ZC3H13: variants seen among roughly 807,000 people sequenced by gnomAD.
The protein encoded by ZC3H13 is zinc finger CCCH-type containing 13, also known as zinc finger CCCH domain-containing protein 13.
ZC3H13 carries 64 observed loss-of-function variants against 204.1 expected under a neutral mutation model. The ratio of observed to expected loss-of-function variants is 0.31; its 90% CI spans 0.26 to 0.39. The LOEUF is 0.39. Among genes scored for constraint, ZC3H13 ranks in the 10% least tolerant of loss-of-function variants. The pLI is 1.00. For synonymous variants in ZC3H13, 667 were observed against 693.7 expected, an observed-to-expected ratio of 0.96 and a Z score of 0.60; for missense variants, 1,833 against 2,082.7, an observed-to-expected ratio of 0.88 and a Z score of 2.33.
intron 10 of ZC3H13, among the ~76,000 whole-genome samples, chr13:45,983,411 A>ATTTTTTTT (rs1566202037): frequency 4.8e-5 from 1 of 20,644 alleles, no homozygotes; most frequent in Non-Finnish European, 7.3e-5. Context: ...TTATATATAT[A>ATTTTTTTT]TATTTTTTTT....
At chr13:46,035,097 G>A (rs536195270) in intron 4 of ZC3H13, among the ~76,000 whole-genome samples, 31 of 152,280 alleles carry the variant, frequency 2.0e-4, no homozygotes, top group African/African-American at 7.5e-4. Flanking sequence ...GTGTGTGCCA[G>A]TGTGCATGTG....
At position 45,970,465 on chromosome 13, in the gene ZC3H13, C is replaced by T. The variant is rs201052677; in HGVS notation, c.2469G>A (p.Lys823=). 6.2e-7 allele frequency: 1 copy of T among 1,609,764 alleles called. No individual in the cohort carries two copies. Among genetic ancestry groups the T allele is most frequent in the Admixed American group, 1.7e-5 (1 of 58,874 alleles). Residue 823 remains lysine (K), a splice_region_variant and synonymous_variant, in exon 13 of 19, where the codon AAG becomes AAA. Transcript: ENST00000679008. The part of the protein sequence containing the change: ...PRDGHDERKS[K]KRYRNEGSPS... Reference sequence around the variant, plus strand: ...GACTCCCTTCATTTCTATAGCGCTTCCTAAATTGGACAAGCAAACACAATT... The same window carrying T: ...GACTCCCTTCATTTCTATAGCGCTTTCTAAATTGGACAAGCAAACACAATT...
intron 12 of ZC3H13, among the ~76,000 whole-genome samples, chr13:45,971,253 T>C (rs902740602): frequency 4.0e-4 from 61 of 152,318 alleles, no homozygotes; most frequent in African/African-American, 1.4e-3. Context: ...CCCATTTTCA[T>C]TAAAATTTGA....
At position 45,969,928 on chromosome 13, in the gene ZC3H13, T is replaced by C; in HGVS notation, c.2616A>G (p.Glu872=). Reference sequence around the variant, plus strand: ...GGTGCGAGGGACTAAGAGAACGAGATTCTTGAGGTCGTACAACTTGGCTCA... The same window carrying C: ...GGTGCGAGGGACTAAGAGAACGAGACTCTTGAGGTCGTACAACTTGGCTCA... The part of the protein sequence containing the change: ...RLLSQVVRPQ[E]SRSLSPSHLT... The change falls in exon 14 of 19, where the codon GAA becomes GAG. Residue 872 remains glutamate (E), a synonymous_variant. Coordinates refer to ENST00000679008, the MANE Select transcript of ZC3H13 (RefSeq NM_001330564.2). 1 of 1,613,152 alleles carries C rather than the reference T, an allele frequency of 6.2e-7. No homozygotes were observed. The highest frequency in any genetic ancestry group is 1.3e-5 in the African/African-American group (1 of 74,952).
intron 5 of ZC3H13, among the ~76,000 whole-genome samples, chr13:46,019,607 C>T (rs991746496): frequency 1.3e-5 from 2 of 152,038 alleles, no homozygotes; most frequent in Non-Finnish European, 2.9e-5. Flanking sequence ...ATTACAGTGC[C>T]CATCTTTCAG....
chr13:45,966,102 C>T (rs191072386), intron 15 of ZC3H13, among the ~76,000 whole-genome samples: 526 of 152,112 alleles, frequency 3.5e-3, no homozygotes, highest in Non-Finnish European at 5.8e-3. Context: ...ATTTTACCAA[C>T]TTTTTTCAAC....
chr13:46,017,143 T>C (rs2041957902), intron 5 of ZC3H13, among the ~76,000 whole-genome samples: 1 of 152,022 alleles, frequency 6.6e-6, no homozygotes, highest in Non-Finnish European at 1.5e-5. Flanking sequence ...CATGATTTCA[T>C]CTAGAAGGAA....
intron 6 of ZC3H13, 82 bp downstream of exon 6, chr13:46,011,333 G>C (rs1051785446): frequency 6.2e-5 from 80 of 1,290,142 alleles, no homozygotes; most frequent in Non-Finnish European, 8.0e-5. Flanking sequence ...TATAATTTAA[G>C]ATGTAGCAAG....
Position 46,010,334 on chromosome 13 carries a change from A to ATCACCC in ZC3H13, c.746+8_746+13dup. ...AAAAGCTATTTTCTCGATACTATTT[A>ATCACCC]TCACCCTACTGACCTCTGCTGGTCC... On this transcript the variant is annotated intron_variant, in intron 7 of 18. Transcript: ENST00000679008. 6.4e-7 allele frequency: 1 copy of ATCACCC among 1,570,234 alleles called. No individual in the cohort carries two copies. Among genetic ancestry groups the ATCACCC allele is most frequent in the South Asian group, 1.2e-5 (1 of 85,894 alleles).
chr13:46,037,452 A>G (rs556593116), intron 4 of ZC3H13, among the ~76,000 whole-genome samples: 1 of 152,366 alleles, frequency 6.6e-6, no homozygotes, highest in African/African-American at 2.4e-5. Flanking sequence ...TCCGTCATCA[A>G]TAAATGCTTG....
intron 4 of ZC3H13, among the ~76,000 whole-genome samples, chr13:46,038,117 T>C (rs931428170): frequency 5.3e-5 from 8 of 152,188 alleles, no homozygotes; most frequent in African/African-American, 1.7e-4. Flanking sequence ...TGCTAAACTG[T>C]GAGTTTGGCA....
chr13:46,042,524 C>T (rs1227442531), intron 3 of ZC3H13, among the ~76,000 whole-genome samples: 2 of 151,940 alleles, frequency 1.3e-5, no homozygotes, highest in African/African-American at 4.8e-5. Context: ...TTAAATTCCA[C>T]GAAGTGGCAG....
At chr13:46,012,588 A>G (rs907956848) in intron 5 of ZC3H13, among the ~76,000 whole-genome samples, 5 of 152,160 alleles carry the variant, frequency 3.3e-5, no homozygotes, top group African/African-American at 1.2e-4. Context: ...TTGGGGACTG[A>G]GAGGGTAACT....
intron 4 of ZC3H13, among the ~76,000 whole-genome samples, chr13:46,028,428 A>T (rs1005391043): frequency 6.6e-6 from 1 of 152,238 alleles, no homozygotes; most frequent in African/African-American, 2.4e-5. Context: ...AGTCAGTAAA[A>T]ACACAGTTGA....
At chr13:46,042,024 C>T (rs2043621937) in intron 4 of ZC3H13, 140 bp downstream of exon 4, 2 of 589,252 alleles carry the variant, frequency 3.4e-6, no homozygotes, top group Admixed American at 6.6e-5. Context: ...CTCTTTCCCT[C>T]TAAATTACAT....
At chr13:45,987,574 A>T (rs1200493694) in intron 9 of ZC3H13, among the ~76,000 whole-genome samples, 1 of 152,130 alleles carries the variant, frequency 6.6e-6, no homozygotes, top group Non-Finnish European at 1.5e-5. Flanking sequence ...TGCTTTCTCC[A>T]GTCCCTGCCT....
rs762787959 is a variant in ZC3H13, at chr13:45,963,961, A to T, written c.4556T>A (p.Leu1519His). 1.9e-5 allele frequency: 30 copies of T among 1,614,068 alleles called. No individual in the cohort carries two copies. The highest frequency in any genetic ancestry group is 2.5e-5 in the Non-Finnish European group (30 of 1,180,020). The change falls in exon 17 of 19, where the codon CTC (leucine) becomes CAC (histidine). Residue 1519 changes from leucine (L) to histidine (H), a missense_variant. Coordinates refer to ENST00000679008, the MANE Select transcript of ZC3H13 (RefSeq NM_001330564.2). ...PKEPREPGAA[L>H]LKFTPGAVML... Reference sequence around the variant, plus strand: ...AACAGCTCCAGGTGTGAATTTTAAGAGTGCAGCCCCAGGCTCTCGTGGTTC... The same window carrying T: ...AACAGCTCCAGGTGTGAATTTTAAGTGTGCAGCCCCAGGCTCTCGTGGTTC...
chr13:46,045,247 C>T (rs1247545940), intron 2 of ZC3H13, 144 bp downstream of exon 2: 4 of 989,004 alleles, frequency 4.0e-6, no homozygotes, highest in African/African-American at 1.6e-5. Context: ...ACCCTTTTCA[C>T]TTCTTTTTAT....
rs1412846740 is a variant in ZC3H13, at chr13:45,976,004, CT to C, written c.1913-167del. ...CTTAATATCCAAGTAACAATCGCCC[CT>C]AGACCTTAAATTTTTTAAAGATAAT... On this transcript the variant is annotated intron_variant, in intron 11 of 18. Transcript: ENST00000679008. Among the ~76,000 whole-genome samples, 8 of 152,232 alleles carry C rather than the reference CT, an allele frequency of 5.3e-5. No homozygotes were observed. The South Asian group carries it at 6.2e-4, about 12-fold the overall frequency.
Sources: allele counts gnomAD v4.1 joint callset (sites outside exome capture counted in the v4.1 genomes callset), GRCh38; gene constraint gnomAD v4.1.1; transcripts MANE v1.5; gene names NCBI Gene and HGNC (gene_info 2026-07-23, HGNC 2026-07-21).